Variants in ABRA observed in about 807,000 individuals in gnomAD.
ABRA encodes actin-binding Rho-activating protein.
ABRA carries 25 observed loss-of-function variants against 33.4 expected under a neutral mutation model. The observed-to-expected ratio is 0.75, with a 90% CI of 0.55 to 1.04. The LOEUF is 1.04. ABRA is among the 50% of genes least tolerant of loss of function. ABRA has a pLI of 0.00. For missense variants in ABRA, 501 were observed against 491.7 expected (o/e 1.02, Z -0.18); for synonymous variants, 193 against 176.8 (o/e 1.09, Z -0.73).
intron 1 of ABRA, among the ~76,000 whole-genome samples, chr8:106,765,940 C>T (rs1473806864): frequency 1.3e-5 from 2 of 152,178 alleles, no homozygotes; most frequent in East Asian, 1.9e-4. Context: ...GACAGTCTAG[C>T]ATAGTGGTTA....
intron 1 of ABRA, among the ~76,000 whole-genome samples, chr8:106,764,622 A>G (rs886692180): frequency 6.6e-6 from 1 of 152,166 alleles, no homozygotes. Flanking sequence ...ACTACACTGC[A>G]CTCCAGGCTG....
intron 1 of ABRA, among the ~76,000 whole-genome samples, chr8:106,763,549 C>T (rs1836166649): frequency 1.3e-5 from 2 of 152,202 alleles, no homozygotes; most frequent in South Asian, 4.1e-4. Flanking sequence ...ATCGACTTTT[C>T]CTGTTCAGCT....
At chr8:106,762,725 G>A (rs1836155645) in intron 1 of ABRA, among the ~76,000 whole-genome samples, 1 of 152,044 alleles carries the variant, frequency 6.6e-6, no homozygotes, top group Admixed American at 6.6e-5. Context: ...TAATACCTAG[G>A]TGACAGGTTG....
At position 106,761,463 on chromosome 8, in the gene ABRA, G is replaced by A. The variant is rs865908791; in HGVS notation, c.720C>T (p.Ser240=). 3 of 1,614,158 alleles carry A rather than the reference G, an allele frequency of 1.9e-6. No individual in the cohort carries two copies. Among genetic ancestry groups the A allele is most frequent in the African/African-American group, 1.3e-5 (1 of 75,040 alleles). Residue 240 remains serine, a synonymous_variant, in exon 2 of 2, where the codon AGC becomes AGT. Coordinates refer to ENST00000311955, the MANE Select transcript of ABRA (RefSeq NM_139166.5). ...KLNCKAQQKY[S]PVGNLKGRWQ... Reference sequence around the variant, plus strand: ...ATCTCCCTTTCAAGTTGCCCACTGGGCTATATTTCTGTTGGGCTTTGCAGT... The same window carrying A: ...ATCTCCCTTTCAAGTTGCCCACTGGACTATATTTCTGTTGGGCTTTGCAGT...
intron 1 of ABRA, among the ~76,000 whole-genome samples, chr8:106,762,779 A>G (rs372486461): frequency 6.6e-6 from 1 of 152,180 alleles, no homozygotes; most frequent in African/African-American, 2.4e-5. Context: ...TCTATGCAAC[A>G]AACTTGCACA....
chr8:106,761,594 A>G (rs1836142144), intron 1 of ABRA, 80 bp from the exon 2 acceptor site: 3 of 1,114,750 alleles, frequency 2.7e-6, no homozygotes, highest in South Asian at 1.6e-5. Flanking sequence ...CTTCCCACAC[A>G]TATGCATCTT....
rs945749316 is a variant in ABRA at position 106,759,793 on chromosome 8, T to G, written c.*1244A>C. The G allele has an allele frequency of 6.6e-6, 1 of 152,190 alleles. No homozygotes were observed. Among genetic ancestry groups the G allele is most frequent in the African/African-American group, 2.4e-5 (1 of 41,452 alleles). 9.4% of individuals were successfully genotyped at this position (152,190 alleles called of 1,614,324 possible). A position where few individuals can be genotyped will look rare whatever the true frequency, so the allele number is the denominator to read the frequency against. ...ACCAAAGTGCTATACTATCAATGCATTTTAGTAATTTCATTGAATCCAGTA... is the reference window on the plus strand; with the variant it reads ...ACCAAAGTGCTATACTATCAATGCAGTTTAGTAATTTCATTGAATCCAGTA... On this transcript the variant is annotated 3_prime_UTR_variant, in exon 2 of 2. Coordinates refer to ENST00000311955, the MANE Select transcript of ABRA (RefSeq NM_139166.5).
intron 1 of ABRA, among the ~76,000 whole-genome samples, chr8:106,765,785 C>T (rs988330920): frequency 7.9e-5 from 12 of 152,166 alleles, no homozygotes; most frequent in Admixed American, 1.3e-4. Flanking sequence ...GGCAGAAGGA[C>T]AGCATAATTT....
At chr8:106,768,919 A>G (rs1462874369) in intron 1 of ABRA, among the ~76,000 whole-genome samples, 2 of 152,176 alleles carry the variant, frequency 1.3e-5, no homozygotes, top group Non-Finnish European at 2.9e-5. Context: ...TTACAGGCTG[A>G]GCCACTGCGC....
chr8:106,761,879 GA>G, intron 1 of ABRA, among the ~76,000 whole-genome samples: 1 of 152,182 alleles, frequency 6.6e-6, no homozygotes, highest in Middle Eastern at 3.4e-3. Context: ...GTGTTTTCAG[GA>G]ATCTAGTTCT....
chr8:106,768,421 G>A (rs1810537652), intron 1 of ABRA, among the ~76,000 whole-genome samples: 1 of 152,088 alleles, frequency 6.6e-6, no homozygotes, highest in African/African-American at 2.4e-5. Flanking sequence ...TTTAATTATT[G>A]CTGTATTTGT....
intron 1 of ABRA, among the ~76,000 whole-genome samples, chr8:106,766,835 C>T (rs531337527): frequency 4.6e-5 from 7 of 152,294 alleles, no homozygotes; most frequent in African/African-American, 9.6e-5. Context: ...AAAATAACCC[C>T]GTGAGATATG....
At position 106,770,141 on chromosome 8, in the gene ABRA, A is replaced by G. The variant is rs764087681; in HGVS notation, c.50T>C (p.Leu17Pro). ...ESGEGPAKSA[L>P]RKIRTATLVI... ...CAGGGTGGCTGTGCGTATCTTCCGGAGGGCGCTCTTGGCTGGGCCCTCCCC... is the reference window on the plus strand; with the variant it reads ...CAGGGTGGCTGTGCGTATCTTCCGGGGGGCGCTCTTGGCTGGGCCCTCCCC... Residue 17 changes from leucine to proline, a missense_variant, in exon 1 of 2, where the codon CTC becomes CCC. Coordinates refer to ENST00000311955, the MANE Select transcript of ABRA (RefSeq NM_139166.5). The G allele has an allele frequency of 1.6e-5, 26 of 1,613,118 alleles. 1 individual carries two copies. In the South Asian group the frequency reaches 2.9e-4, roughly 18 times the overall value.
rs760258559 is a variant in ABRA, at chr8:106,761,153, A to C, written c.1030T>G (p.Ser344Ala). ...ATGAGAATGCCCACTACTTTATCTG[A>C]AATACGAACGTATCTGTCAAAGAGA... Reference protein sequence around the residue: ...GDLFDRYVRISDKVVGILMRA... With the variant: ...GDLFDRYVRIADKVVGILMRA... Residue 344 changes from serine to alanine, a missense_variant, in exon 2 of 2, where the codon TCA (serine) becomes GCA (alanine). Physicochemically the swap from Ser to Ala is moderately conservative, Grantham distance 99. Coordinates refer to ENST00000311955, the MANE Select transcript of ABRA (RefSeq NM_139166.5). The C allele has an allele frequency of 1.9e-6, 3 of 1,614,212 alleles. No homozygotes were observed. In the South Asian group the frequency reaches 3.3e-5, roughly 18 times the overall value.
intron 1 of ABRA, among the ~76,000 whole-genome samples, chr8:106,763,252 A>G (rs1364053670): frequency 4.6e-5 from 7 of 152,220 alleles, no homozygotes; most frequent in Non-Finnish European, 1.0e-4. Flanking sequence ...GCGAACTTTC[A>G]TCAATTCTTA....
At chr8:106,766,298 G>T (rs190478989) in intron 1 of ABRA, among the ~76,000 whole-genome samples, 1 of 152,164 alleles carries the variant, frequency 6.6e-6, no homozygotes, top group African/African-American at 2.4e-5. Flanking sequence ...TGTTGGTAAA[G>T]AATTTATCTA....
At chr8:106,768,378 G>A (rs1810537290) in intron 1 of ABRA, among the ~76,000 whole-genome samples, 1 of 152,172 alleles carries the variant, frequency 6.6e-6, no homozygotes, top group South Asian at 2.1e-4. Flanking sequence ...ATGTGTATGT[G>A]AGTGTATGTA....
rs140322632 is a variant in ABRA, at chr8:106,769,940, C to T, written c.251G>A (p.Arg84His). ...TCCATCTCCATGTCCTTCTGGCAGG[C>T]GGGGTGGCGACTTTGGGGCACTCTG... ...KAQSAPKSPP[R>H]LPEGHGDGQS... The change falls in exon 1 of 2, where the codon CGC becomes CAC. Residue 84 changes from arginine (R) to histidine (H), a missense_variant. Coordinates refer to ENST00000311955, the MANE Select transcript of ABRA (RefSeq NM_139166.5). 1.4e-4 allele frequency: 223 copies of T among 1,614,018 alleles called. 2 individuals are homozygous for T. The highest frequency in any genetic ancestry group is 5.8e-4 in the East Asian group (26 of 44,874).
chr8:106,766,091 C>T (rs1836216007), intron 1 of ABRA, among the ~76,000 whole-genome samples: 4 of 152,172 alleles, frequency 2.6e-5, no homozygotes. Context: ...CTATTATTTT[C>T]ACTGAATTAA....
Sources: allele counts gnomAD v4.1 joint callset (sites outside exome capture counted in the v4.1 genomes callset), GRCh38; gene constraint gnomAD v4.1.1; transcripts MANE v1.5; gene names NCBI Gene and HGNC (gene_info 2026-07-23, HGNC 2026-07-21).